OTUD7A: variants seen among roughly 807,000 people sequenced by gnomAD.
OTUD7A encodes the protein OTU domain-containing protein 7A.
In OTUD7A, 12 loss-of-function variants were observed where a neutral mutation model predicts 65.7. That is an observed-to-expected ratio of 0.18 (90% CI 0.12 to 0.30). The LOEUF is 0.30. Among genes scored for constraint, OTUD7A ranks in the 10% least tolerant of loss-of-function variants. OTUD7A has a pLI of 1.00. For missense variants in OTUD7A, 1,148 were observed against 1,304.8 expected (o/e 0.88, Z 1.85); for synonymous variants, 641 against 586.3 (o/e 1.09, Z -1.35).
Position 31,479,068 on chromosome 15 carries a change from G to A in OTUD7A, c.*4226C>T, listed in dbSNP as rs2041071437. The A allele has an allele frequency of 6.6e-6, 1 of 152,264 alleles. No individual in the cohort carries two copies. Among genetic ancestry groups the A allele is most frequent in the South Asian group, 2.1e-4 (1 of 4,832 alleles). The allele number at this position is 152,264 out of a possible 1,614,324, so 9.4% of individuals were successfully genotyped here. ...ACAGGCCAGCTAGAGTTTAGAGTCA[G>A]GAGTAAATGGGAAGGTGGTGCCTCA... On this transcript the variant is annotated 3_prime_UTR_variant, in exon 13 of 13. Transcript: ENST00000307050.
At chr15:31,713,120 T>G (rs1296297129) in intron 1 of OTUD7A, among the ~76,000 whole-genome samples, 1 of 152,174 alleles carries the variant, frequency 6.6e-6, no homozygotes, top group African/African-American at 2.4e-5. Flanking sequence ...ATGTCCACAG[T>G]AAATGTGCTG....
chr15:31,660,940 C>A (rs909825627), intron 1 of OTUD7A, among the ~76,000 whole-genome samples: 3 of 152,226 alleles, frequency 2.0e-5, no homozygotes, highest in African/African-American at 7.2e-5. Context: ...GGAGAAGGCA[C>A]ATGTGTGGGC....
chr15:31,482,911 G>A lies in OTUD7A; in HGVS notation c.*383C>T, dbSNP rs1307641514. ...GGACCGCTACCTGGAAGAGGTCATC[G>A]CTAGGGTAGGAGAAAAAAAAAAAAG... On this transcript the variant is annotated 3_prime_UTR_variant, in exon 13 of 13. Transcript: ENST00000307050. 2.7e-5 allele frequency: 4 copies of A among 146,190 alleles called. No individual in the cohort carries two copies. In the East Asian group the frequency reaches 6.2e-4, roughly 23 times the overall value. 9.1% of individuals were successfully genotyped at this position (146,190 alleles called of 1,614,324 possible).
chr15:31,842,129 G>A (rs1309745788), intron 1 of OTUD7A, among the ~76,000 whole-genome samples: 1 of 152,254 alleles, frequency 6.6e-6, no homozygotes, highest in Non-Finnish European at 1.5e-5. Context: ...AGTGAAAGGA[G>A]CAAAATGGAA....
rs75487629 is a variant in OTUD7A, at chr15:31,614,814, G to A, written c.151+40282C>T. On this transcript the variant is annotated intron_variant, in intron 3 of 12. Coordinates refer to ENST00000307050, the MANE Select transcript of OTUD7A (RefSeq NM_001382637.1). ...CCTATAGAAAATAACGTTGCCCTAC[G>A]GAATTTGAAAGAGAATCAAATTATG... Among the ~76,000 whole-genome samples, 1,290 of 152,160 alleles carry A rather than the reference G, an allele frequency of 8.5e-3. 9 individuals carry two copies. Among genetic ancestry groups the A allele is most frequent in the South Asian group, 0.045 (216 of 4,814 alleles).
At chr15:31,532,438 G>A (rs1887657931) in intron 5 of OTUD7A, among the ~76,000 whole-genome samples, 1 of 151,978 alleles carries the variant, frequency 6.6e-6, no homozygotes, top group African/African-American at 2.4e-5. Flanking sequence ...TGGATGTGCT[G>A]AAAAGCAGAT....
chr15:31,797,167 T>C (rs532556255), intron 1 of OTUD7A, among the ~76,000 whole-genome samples: 10 of 152,286 alleles, frequency 6.6e-5, no homozygotes, highest in Admixed American at 3.9e-4. Flanking sequence ...GTCATGCCCC[T>C]TGAACTCAGG....
chr15:31,846,423 C>T (rs1897294447), intron 1 of OTUD7A, among the ~76,000 whole-genome samples: 1 of 152,098 alleles, frequency 6.6e-6, no homozygotes, highest in Non-Finnish European at 1.5e-5. Context: ...GCACATATTG[C>T]AGATATCAGA....
At chr15:31,794,377 A>T (rs183401494) in intron 1 of OTUD7A, among the ~76,000 whole-genome samples, 4 of 152,260 alleles carry the variant, frequency 2.6e-5, no homozygotes, top group Admixed American at 2.6e-4. Context: ...CTCAAAAGAG[A>T]TTATTTAATG....
At chr15:31,842,544 T>C (rs1018388134) in intron 1 of OTUD7A, among the ~76,000 whole-genome samples, 2 of 152,176 alleles carry the variant, frequency 1.3e-5, no homozygotes, top group Non-Finnish European at 2.9e-5. Flanking sequence ...GAGACTGTAC[T>C]ATCTACTCCA....
intron 3 of OTUD7A, among the ~76,000 whole-genome samples, chr15:31,587,534 G>A (rs774210939): frequency 2.0e-5 from 3 of 151,920 alleles, no homozygotes; most frequent in South Asian, 2.1e-4. Flanking sequence ...CCAGCTACTC[G>A]GGAGGCTGAG....
intron 1 of OTUD7A, among the ~76,000 whole-genome samples, chr15:31,664,857 G>A (rs1263973041): frequency 1.3e-5 from 2 of 152,188 alleles, no homozygotes; most frequent in Non-Finnish European, 2.9e-5. Context: ...TGAGGATCCT[G>A]TTCCATTCTC....
intron 1 of OTUD7A, among the ~76,000 whole-genome samples, chr15:31,867,226 G>C (rs1897900411): frequency 6.6e-6 from 1 of 152,204 alleles, no homozygotes; most frequent in African/African-American, 2.4e-5. Context: ...CACATTTTAA[G>C]TGAAAAAGCA....
At chr15:31,510,378 CT>C (rs1180763271) in intron 8 of OTUD7A, among the ~76,000 whole-genome samples, 108 of 146,714 alleles carry the variant, frequency 7.4e-4, no homozygotes, top group Non-Finnish European at 1.1e-3. Context: ...GGTGTTTTTG[CT>C]TTTTTTTTTC....
intron 1 of OTUD7A, among the ~76,000 whole-genome samples, chr15:31,688,821 G>A (rs200972883): frequency 0.23 from 34,709 of 149,208 alleles, 4,038 homozygotes; most frequent in African/African-American, 0.31. Flanking sequence ...GAAGAATTAC[G>A]GGTGTTCACT....
chr15:31,670,989 C>T (rs536706557), intron 1 of OTUD7A, among the ~76,000 whole-genome samples: 17 of 148,312 alleles, frequency 1.1e-4, no homozygotes, highest in Admixed American at 2.6e-4. Flanking sequence ...AGCGAGACTC[C>T]GTCTCAAAAA....
chr15:31,766,053 T>C (rs2140908362), intron 1 of OTUD7A: 1 of 1,530,124 alleles, frequency 6.5e-7, no homozygotes, highest in East Asian at 2.2e-5. Context: ...AAATAGTCCA[T>C]CTCCAGGACT....
chr15:31,771,214 T>C (rs1265362890), intron 1 of OTUD7A, among the ~76,000 whole-genome samples: 1 of 152,214 alleles, frequency 6.6e-6, no homozygotes, highest in African/African-American at 2.4e-5. Flanking sequence ...GGGTAGATAC[T>C]GAAAGAGGAA....
At position 31,786,834 on chromosome 15, in the gene OTUD7A, CCCG is replaced by C. The variant is rs1468175435; in HGVS notation, c.-100+83670_-100+83672del. On this transcript the variant is annotated intron_variant, in intron 1 of 12. Transcript: ENST00000307050. ...GCATCCCAGAGTTCTGACCCAGGAC[CCCG>C]CAGTGATATCACAGACAGACTGTAA... 3.3e-5 allele frequency among the ~76,000 whole-genome samples: 5 copies of C among 152,178 alleles called. No homozygotes were observed. The East Asian group carries it at 9.7e-4, about 29-fold the overall frequency.
Sources: allele counts gnomAD v4.1 joint callset (sites outside exome capture counted in the v4.1 genomes callset), GRCh38; gene constraint gnomAD v4.1.1; transcripts MANE v1.5; gene names NCBI Gene and HGNC (gene_info 2026-07-23, HGNC 2026-07-21).